The following ARHGEF10L variants were observed in gnomAD, a reference collection of about 807,000 sequenced individuals.
ARHGEF10L encodes the protein Rho guanine nucleotide exchange factor 10 like, also known as rho guanine nucleotide exchange factor 10-like protein.
Under a neutral mutation model 141.2 loss-of-function variants are expected in ARHGEF10L, and 69 were observed. That is an observed-to-expected ratio of 0.49 (90% confidence interval 0.40 to 0.60). The LOEUF (loss-of-function observed/expected upper bound fraction) is 0.60. ARHGEF10L is among the 20% of genes least tolerant of loss of function. The probability of loss-of-function intolerance (pLI) is 0.00; values close to 1 mark genes in which losing one functional copy is unlikely to be tolerated. For synonymous variants in ARHGEF10L, 711 were observed against 718.5 expected (o/e 0.99, Z 0.17); for missense variants, 1,482 against 1,734.3 (o/e 0.85, Z 2.58).
At chr1:17,600,500 C>G (rs2080542842) in intron 4 of ARHGEF10L, among the ~76,000 whole-genome samples, 1 of 152,156 alleles carries the variant, frequency 6.6e-6, no homozygotes, top group Non-Finnish European at 1.5e-5. Context: ...GCTCCACATA[C>G]CCCTCATCCA....
At chr1:17,616,355 A>G (rs1382847779) in intron 9 of ARHGEF10L, among the ~76,000 whole-genome samples, 153 bp downstream of exon 9, 1 of 152,072 alleles carries the variant, frequency 6.6e-6, no homozygotes, top group Non-Finnish European at 1.5e-5. Flanking sequence ...CTGAGTCCCA[A>G]ATATCCTGGT....
At chr1:17,618,255 C>CCA in intron 9 of ARHGEF10L, 3 of 1,359,606 alleles carry the variant, frequency 2.2e-6, no homozygotes, top group Non-Finnish European at 2.9e-6. Flanking sequence ...TCTCCTCAGC[C>CCA]CTCCCCACCC....
In ARHGEF10L at chr1:17,625,091, C is replaced by G. The variant is rs1001020015; in HGVS notation, c.1317+588C>G. ...GACACGCACACATGTGCCGGCAGCACAGGTTAGATGCCACGGCCTCAGTGG... is the reference window on the plus strand; with the variant it reads ...GACACGCACACATGTGCCGGCAGCAGAGGTTAGATGCCACGGCCTCAGTGG... On this transcript the variant is annotated intron_variant, in intron 13 of 28. Coordinates refer to ENST00000361221, the MANE Select transcript of ARHGEF10L (RefSeq NM_018125.4). The surrounding 1 kb of genome is among the most constrained non-coding windows in gnomAD (Gnocchi z 4.5). Among the ~76,000 whole-genome samples the G allele has an allele frequency of 6.6e-6, 1 of 152,312 alleles. No individual in the cohort carries two copies.
Position 17,687,582 on chromosome 1 carries a change from G to C in ARHGEF10L, c.3019G>C (p.Glu1007Gln). 1 of 1,612,988 alleles carries C rather than the reference G, an allele frequency of 6.2e-7. No homozygotes were observed. The highest frequency in any genetic ancestry group is 8.5e-7 in the Non-Finnish European group (1 of 1,179,920). The change falls in exon 27 of 29, where the codon GAG (glutamate) becomes CAG (glutamine). Residue 1007 changes from glutamate to glutamine, a missense_variant. By Grantham distance (29) the Glu-to-Gln change is conservative. Coordinates refer to ENST00000361221, the MANE Select transcript of ARHGEF10L (RefSeq NM_018125.4). ...ATTLQPQQSFEAHQDEAVSVT... is the reference protein window; with the variant it reads ...ATTLQPQQSFQAHQDEAVSVT... ...TCCCTTTGTGCCACAGCAAAGCTTC[G>C]AGGCGCACCAGGACGAGGCAGTGAG...
At chr1:17,534,772 G>A (rs376662967), upstream of ARHGEF10L, among the ~76,000 whole-genome samples, 1,326 of 142,312 alleles carry the variant, frequency 9.3e-3, 32 homozygotes, top group East Asian at 0.073. Flanking sequence ...TATTTTTAGT[G>A]GAGACAGGGT....
intron 9 of ARHGEF10L, chr1:17,618,348 C>G (rs780963702): frequency 6.5e-7 from 1 of 1,538,250 alleles, no homozygotes; most frequent in East Asian, 2.6e-5. Context: ...GAATCACAGG[C>G]CAAGAATGTT....
At chr1:17,599,368 A>C (rs1229843228) in intron 4 of ARHGEF10L, among the ~76,000 whole-genome samples, 1 of 152,082 alleles carries the variant, frequency 6.6e-6, no homozygotes, top group South Asian at 2.1e-4. Flanking sequence ...AAAACGTGCA[A>C]TTACATGTAA....
chr1:17,613,203 G>T, intron 8 of ARHGEF10L, 29 bp downstream of exon 8: 1 of 1,562,128 alleles, frequency 6.4e-7, no homozygotes, highest in Non-Finnish European at 8.8e-7. Flanking sequence ...CTCAAGCCCT[G>T]GATGGGGGCT....
At chr1:17,684,756 G>A (rs1189573597) in intron 26 of ARHGEF10L, among the ~76,000 whole-genome samples, 2 of 152,198 alleles carry the variant, frequency 1.3e-5, no homozygotes, top group South Asian at 2.1e-4. Context: ...CTGGTCAGGG[G>A]TGGGCTGTGC....
intron 15 of ARHGEF10L, 143 bp from the exon 16 acceptor site, chr1:17,632,178 A>T (rs1235204151): frequency 2.0e-6 from 2 of 1,023,964 alleles, no homozygotes; most frequent in Non-Finnish European, 2.9e-6. Flanking sequence ...CTTGTCACCC[A>T]GGGATGGAGG....
At chr1:17,609,473 A>G (rs2059429998) in intron 7 of ARHGEF10L, among the ~76,000 whole-genome samples, 1 of 152,198 alleles carries the variant, frequency 6.6e-6, no homozygotes, top group Non-Finnish European at 1.5e-5. Flanking sequence ...GATACATTGG[A>G]ACAGGAAGAC....
chr1:17,614,881 C>A (rs2059723692), intron 8 of ARHGEF10L, among the ~76,000 whole-genome samples: 1 of 152,152 alleles, frequency 6.6e-6, no homozygotes, highest in African/African-American at 2.4e-5. Context: ...CTTGCCCAGA[C>A]CCCCAAGAAG....
intron 21 of ARHGEF10L, among the ~76,000 whole-genome samples, chr1:17,645,003 C>T (rs986124159): frequency 3.3e-5 from 5 of 152,106 alleles, no homozygotes; most frequent in Admixed American, 6.6e-5. Context: ...GGGATCTGCC[C>T]GGGCCCTTCT....
intron 1 of ARHGEF10L, among the ~76,000 whole-genome samples, chr1:17,567,648 G>A (rs1175551163): frequency 2.0e-5 from 3 of 152,156 alleles, no homozygotes; most frequent in Admixed American, 1.3e-4. Context: ...GATTACAGGC[G>A]TGAACCACTG....
At chr1:17,671,238 T>A (rs1286800899) in intron 26 of ARHGEF10L, among the ~76,000 whole-genome samples, 2 of 151,934 alleles carry the variant, frequency 1.3e-5, no homozygotes, top group African/African-American at 4.9e-5. Context: ...AAGGTGAGAT[T>A]CGGGGGGTTA....
chr1:17,579,171 C>T (rs922489007), intron 1 of ARHGEF10L, among the ~76,000 whole-genome samples: 2 of 152,180 alleles, frequency 1.3e-5, no homozygotes, highest in African/African-American at 4.8e-5. Context: ...AAGGCATGTG[C>T]CACCATGCCC....
chr1:17,656,856 CT>C lies in ARHGEF10L; in HGVS notation c.2860+149del. On this transcript the variant is annotated intron_variant, in intron 25 of 28. Coordinates refer to ENST00000361221, the MANE Select transcript of ARHGEF10L (RefSeq NM_018125.4). This position sits in a 1 kb window ranked among gnomAD's most constrained non-coding sequence, Gnocchi z 4.9. ...GGCATTTGGAGATCCGTGAGCCCCG[CT>C]GGGGTTCAATGGGTGGTCCCCCATA... 9.8e-7 allele frequency: 1 copy of C among 1,024,304 alleles called. No homozygotes were observed. Among genetic ancestry groups the C allele is most frequent in the Non-Finnish European group, 1.4e-6 (1 of 726,084 alleles). 63.5% of individuals were successfully genotyped at this position (1,024,304 alleles called of 1,614,324 possible).
At position 17,639,769 on chromosome 1, in the gene ARHGEF10L, T is replaced by C; in HGVS notation, c.2172-433T>C. On this transcript the variant is annotated intron_variant, in intron 20 of 28. Coordinates refer to ENST00000361221, the MANE Select transcript of ARHGEF10L (RefSeq NM_018125.4). This position sits in a 1 kb window ranked among gnomAD's most constrained non-coding sequence, Gnocchi z 4.3. ...CTGTGTCCACTCAGCAAACATTTAC[T>C]GAGCAACTGTCCCATGCCAGGTGCT... The C allele has an allele frequency of 9.6e-7, 1 of 1,045,426 alleles. No homozygotes were observed. Among genetic ancestry groups the C allele is most frequent in the Non-Finnish European group, 1.3e-6 (1 of 764,328 alleles). 64.8% of individuals were successfully genotyped at this position (1,045,426 alleles called of 1,614,324 possible).
the ARHGEF10L span, among the ~76,000 whole-genome samples, chr1:17,527,903 C>T: frequency 6.7e-6 from 1 of 148,540 alleles, no homozygotes; most frequent in Non-Finnish European, 1.5e-5. Flanking sequence ...GAGTCTCACT[C>T]TGTCACCCAA....
Sources: gnomAD v4.1 joint callset for allele counts (sites outside exome capture counted in the v4.1 genomes callset) on GRCh38, gnomAD v4.1.1 for gene constraint, Gnocchi (gnomAD v3.1) non-coding constraint, MANE v1.5 for transcripts, NCBI Gene and HGNC (gene_info 2026-07-23, HGNC 2026-07-21) for gene names.